Variants in STK33 observed in about 807,000 individuals in gnomAD.
STK33 encodes serine/threonine kinase 33, also known as serine/threonine-protein kinase 33.
STK33 carries 52 observed loss-of-function variants against 58.0 expected under a neutral mutation model. That is an observed-to-expected ratio of 0.90 (90% CI 0.72 to 1.13). The LOEUF (loss-of-function observed/expected upper bound fraction) is 1.13, where lower values mean the gene tolerates loss of function less well. Ranked by LOEUF, STK33 falls within the 50% of genes most tolerant of loss-of-function variation. STK33 has a pLI of 0.00. For missense variants in STK33, 630 were observed against 604.2 expected, an observed-to-expected ratio of 1.04 and a Z score of -0.45; for synonymous variants, 215 against 200.1, an observed-to-expected ratio of 1.07 and a Z score of -0.63.
At chr11:8,517,420 G>A (rs1284977844) in intron 1 of STK33, among the ~76,000 whole-genome samples, 1 of 152,232 alleles carries the variant, frequency 6.6e-6, no homozygotes, top group Non-Finnish European at 1.5e-5. Context: ...AAAAATCAGA[G>A]TGCCTCTTCT....
chr11:8,483,816 A>G (rs1950016049), intron 1 of STK33, among the ~76,000 whole-genome samples: 1 of 152,238 alleles, frequency 6.6e-6, no homozygotes, highest in Non-Finnish European at 1.5e-5. Flanking sequence ...ATGAGTGCCA[A>G]AATTACAAAA....
At chr11:8,499,006 C>G (rs556328520) in intron 1 of STK33, among the ~76,000 whole-genome samples, 1 of 152,280 alleles carries the variant, frequency 6.6e-6, no homozygotes, top group Non-Finnish European at 1.5e-5. Context: ...CAATACCATT[C>G]AGGACATAGG....
In STK33 at chr11:8,474,860, A is replaced by G; in HGVS notation, c.46T>C (p.Cys16Arg). 1 of 1,603,116 alleles carries G rather than the reference A, an allele frequency of 6.2e-7. No individual in the cohort carries two copies. The highest frequency in any genetic ancestry group is 8.5e-7 in the Non-Finnish European group (1 of 1,175,436). The change falls in exon 5 of 16, where the codon TGT (cysteine) becomes CGT (arginine). Residue 16 changes from cysteine to arginine, a missense_variant. Transcript: ENST00000687296. ...ACATCTTTCTGAGAAGCAGATGAAC[A>G]GTCGGGGCATTTTGTGGATTTTTTA... ...LDKKSTKCPD[C>R]SSASQKDVLC...
chr11:8,384,909 T>C, the STK33 span, among the ~76,000 whole-genome samples: 16,334 of 152,176 alleles, frequency 0.11, 1,008 homozygotes, highest in African/African-American at 0.14. Flanking sequence ...TCTTGTCTCT[T>C]ATTTTTCTAC....
intron 7 of STK33, among the ~76,000 whole-genome samples, chr11:8,464,313 TGAAAG>T (rs1301898928): frequency 1.3e-5 from 2 of 151,948 alleles, no homozygotes; most frequent in East Asian, 1.9e-4. Context: ...AGTGAGGAAA[TGAAAG>T]GAGAGGATAG....
At chr11:8,375,395 T>C in the STK33 span, among the ~76,000 whole-genome samples, 29 of 152,296 alleles carry the variant, frequency 1.9e-4, no homozygotes, top group African/African-American at 6.5e-4. Flanking sequence ...CCTCCCCCCA[T>C]TGCTTGACAG....
chr11:8,350,007 G>C, the STK33 span, among the ~76,000 whole-genome samples: 1 of 152,264 alleles, frequency 6.6e-6, no homozygotes, highest in Non-Finnish European at 1.5e-5. Flanking sequence ...AGGATCAGCT[G>C]TTTCTGGAGA....
At chr11:8,495,368 T>C (rs1175353656) in intron 1 of STK33, among the ~76,000 whole-genome samples, 4 of 152,088 alleles carry the variant, frequency 2.6e-5, no homozygotes, top group Non-Finnish European at 5.9e-5. Context: ...CACTGGTCAT[T>C]AGAGAAATGC....
chr11:8,496,710 G>T (rs1442112122), intron 1 of STK33, among the ~76,000 whole-genome samples: 2 of 151,892 alleles, frequency 1.3e-5, no homozygotes, highest in African/African-American at 4.8e-5. Context: ...GAGTAGCTGG[G>T]ACTACAGGTG....
chr11:8,477,462 A>C (rs2138034029), intron 2 of STK33, among the ~76,000 whole-genome samples, 179 bp from the exon 3 acceptor site: 1 of 152,276 alleles, frequency 6.6e-6, no homozygotes, highest in African/African-American at 2.4e-5. Context: ...TGCATACATT[A>C]AGAATATTGA....
At chr11:8,344,134 TGAG>T in the STK33 span, among the ~76,000 whole-genome samples, 5 of 150,736 alleles carry the variant, frequency 3.3e-5, no homozygotes, top group African/African-American at 7.3e-5. Flanking sequence ...GAGAATCGAG[TGAG>T]GTCAGGAGTT....
chr11:8,445,721 A>G (rs185683702), intron 11 of STK33, among the ~76,000 whole-genome samples: 331 of 152,278 alleles, frequency 2.2e-3, no homozygotes, highest in Non-Finnish European at 3.6e-3. Flanking sequence ...TGCATCCCAG[A>G]GATGAAGCTG....
chr11:8,392,761 AATT>A (rs546244005), intron 15 of STK33, 51 bp from the exon 16 acceptor site: 1 of 1,586,528 alleles, frequency 6.3e-7, no homozygotes, highest in Non-Finnish European at 8.6e-7. Flanking sequence ...AATGCACATC[AATT>A]CAAAGATGCA....
chr11:8,554,970 G>A (rs552498943), intron 1 of STK33: 2 of 152,112 alleles, frequency 1.3e-5, no homozygotes, highest in Non-Finnish European at 2.9e-5. Flanking sequence ...GATAAGCCTG[G>A]GGGACATTAT....
intron 1 of STK33, among the ~76,000 whole-genome samples, chr11:8,547,694 T>C (rs1234573042): frequency 6.6e-6 from 1 of 152,228 alleles, no homozygotes; most frequent in Non-Finnish European, 1.5e-5. Context: ...CTCTGTTGTT[T>C]CCTTTGCTGT....
intron 11 of STK33, among the ~76,000 whole-genome samples, chr11:8,441,125 G>T (rs1239172908): frequency 2.6e-5 from 4 of 152,154 alleles, no homozygotes; most frequent in Non-Finnish European, 5.9e-5. Context: ...GTAACATAAT[G>T]CAGGCCCAAT....
chr11:8,492,819 A>C lies in STK33; in HGVS notation c.-465-12205T>G, dbSNP rs571214877. On this transcript the variant is annotated intron_variant, in intron 1 of 15. Coordinates refer to ENST00000687296, the MANE Select transcript of STK33 (RefSeq NM_001352389.2). ...CACTCAAATCCTGAAAAGTGCATGG[A>C]AACTGAACAACTTACTTCTGAATGA... Among the ~76,000 whole-genome samples the C allele has an allele frequency of 2.0e-4, 30 of 152,358 alleles. 1 individual carries two copies. Among genetic ancestry groups the C allele is most frequent in the South Asian group, 1.7e-3 (8 of 4,832 alleles).
chr11:8,495,068 T>C (rs1950949774), intron 1 of STK33, among the ~76,000 whole-genome samples: 2 of 152,066 alleles, frequency 1.3e-5, no homozygotes, highest in Admixed American at 6.6e-5. Flanking sequence ...CCAACAGCAA[T>C]GGCAACAAAA....
At chr11:8,528,592 C>T (rs973324609) in intron 1 of STK33, among the ~76,000 whole-genome samples, 8 of 152,128 alleles carry the variant, frequency 5.3e-5, no homozygotes, top group Non-Finnish European at 1.0e-4. Flanking sequence ...AATCTTGAAC[C>T]CAAATATTCT....
Sources: allele counts gnomAD v4.1 joint callset (sites outside exome capture counted in the v4.1 genomes callset), GRCh38; gene constraint gnomAD v4.1.1; transcripts MANE v1.5; gene names NCBI Gene and HGNC (gene_info 2026-07-23, HGNC 2026-07-21).